The following MYO9B variants were observed in gnomAD, a reference collection of about 807,000 sequenced individuals.
MYO9B encodes myosin IXB.
MYO9B carries 71 observed loss-of-function variants against 229.5 expected under a neutral mutation model. The ratio of observed to expected loss-of-function variants is 0.31; its 90% CI spans 0.26 to 0.38. MYO9B has a LOEUF of 0.38. MYO9B is among the 10% of genes least tolerant of loss of function. The probability of loss-of-function intolerance (pLI) is 1.00; values close to 1 mark genes in which losing one functional copy is unlikely to be tolerated. For missense variants in MYO9B, 2,255 were observed against 2,920.5 expected (o/e 0.77, Z 5.25); for synonymous variants, 1,185 against 1,235.8 (o/e 0.96, Z 0.86).
At chr19:17,096,108 T>C (rs192919195) in intron 1 of MYO9B, among the ~76,000 whole-genome samples, 2 of 152,282 alleles carry the variant, frequency 1.3e-5, no homozygotes, top group Admixed American at 1.3e-4. Flanking sequence ...CAATTCTGAA[T>C]TGGTTTCCTA....
Position 17,145,492 on chromosome 19 carries a change from G to A in MYO9B, c.935+1G>A. The A allele has an allele frequency of 1.2e-6, 2 of 1,613,652 alleles. No homozygotes were observed. Among genetic ancestry groups the A allele is most frequent in the Non-Finnish European group, 1.7e-6 (2 of 1,179,588 alleles). On this transcript the variant is annotated splice_donor_variant, in intron 3 of 39. Coordinates refer to ENST00000682292, the MANE Select transcript of MYO9B (RefSeq NM_004145.4). LOFTEE classifies it high-confidence loss of function. ...ACCTAGAGAGTGGCATCGTGAGAGG[G>A]TGAGGTGTCCCTGGGGTCCCCACTG...
chr19:17,162,564 G>C, intron 9 of MYO9B, 98 bp downstream of exon 9: 1 of 1,052,804 alleles, frequency 9.5e-7, no homozygotes, highest in East Asian at 2.6e-5. Context: ...CGGAGCCGAG[G>C]CATCTGCAAT....
At chr19:17,152,460 G>A (rs2072488877) in intron 3 of MYO9B, 184 bp from the exon 4 acceptor site, 1 of 505,898 alleles carries the variant, frequency 2.0e-6, no homozygotes, top group South Asian at 2.2e-5. Context: ...CCACTGTGGG[G>A]GCCGAGGCAA....
At position 17,101,840 on chromosome 19, in the gene MYO9B, C is replaced by T. The variant is rs765067662; in HGVS notation, c.123C>T (p.Asp41=). ...CGTGCCGCGTGACTGCCACCAAGGA[C>T]AGCACCACCTCGGACGTCATCAAGG... ...QASCRVTATK[D]STTSDVIKDA... Residue 41 remains aspartate, a synonymous_variant, in exon 2 of 40, where the codon GAC becomes GAT. Coordinates refer to ENST00000682292, the MANE Select transcript of MYO9B (RefSeq NM_004145.4). This position sits in a 1 kb window ranked among gnomAD's most constrained non-coding sequence, Gnocchi z 4.7. The T allele has an allele frequency of 1.2e-5, 20 of 1,611,496 alleles. No individual in the cohort carries two copies. Among genetic ancestry groups the T allele is most frequent in the Non-Finnish European group, 1.6e-5 (19 of 1,179,584 alleles).
At chr19:17,211,797 C>T in intron 39 of MYO9B, 23 bp downstream of exon 39, 1 of 1,612,620 alleles carries the variant, frequency 6.2e-7, no homozygotes, top group South Asian at 1.1e-5. Context: ...GTAGCGTCTG[C>T]TTTTCTCCTT....
At chr19:17,086,879 C>CAA (rs11463253) in intron 1 of MYO9B, among the ~76,000 whole-genome samples, 76 of 145,934 alleles carry the variant, frequency 5.2e-4, no homozygotes, top group Middle Eastern at 3.5e-3. Flanking sequence ...GACTTCGTCT[C>CAA]AAAAAAAAAA....
At chr19:17,090,376 C>T (rs1046703638) in intron 1 of MYO9B, among the ~76,000 whole-genome samples, 1 of 152,124 alleles carries the variant, frequency 6.6e-6, no homozygotes, top group Admixed American at 6.6e-5. Flanking sequence ...GTCTTGAACT[C>T]ATGAGCTCAA....
At chr19:17,182,222 G>C (rs1026932144) in intron 15 of MYO9B, among the ~76,000 whole-genome samples, 1 of 152,016 alleles carries the variant, frequency 6.6e-6, no homozygotes, top group African/African-American at 2.4e-5. Context: ...TGGAACTACA[G>C]GTGCGCATTA....
intron 1 of MYO9B, among the ~76,000 whole-genome samples, chr19:17,096,696 GTTGTTGTT>G (rs369001802): frequency 3.7e-5 from 4 of 107,162 alleles, no homozygotes; most frequent in Non-Finnish European, 7.1e-5. Context: ...TGTTGTTGTT[GTTGTTGTT>G]GGTTTTTTTT....
Position 17,192,917 on chromosome 19 carries a change from G to C in MYO9B, c.2983G>C (p.Val995Leu), listed in dbSNP as rs942420437. 1 of 1,549,956 alleles carries C rather than the reference G, an allele frequency of 6.5e-7. No individual in the cohort carries two copies. The highest frequency in any genetic ancestry group is 1.2e-5 in the South Asian group (1 of 84,036). ...CCAGGCCTGCTGGCGGTCCTACCGG[G>C]TCCGGAGGGCGCTGGAGAGGACGCA... Reference protein sequence around the residue: ...TIQACWRSYRVRRALERTQAA... With the variant: ...TIQACWRSYRLRRALERTQAA... Residue 995 changes from valine to leucine, a missense_variant, in exon 21 of 40, where the codon GTC becomes CTC. Transcript: ENST00000682292.
intron 2 of MYO9B, among the ~76,000 whole-genome samples, chr19:17,113,740 G>A (rs2057872114): frequency 6.6e-6 from 1 of 152,140 alleles, no homozygotes; most frequent in South Asian, 2.1e-4. Context: ...AAAGGTAGGG[G>A]GAAGCAGTTT....
intron 2 of MYO9B, among the ~76,000 whole-genome samples, chr19:17,110,065 A>G (rs1471802384): frequency 1.3e-5 from 2 of 152,166 alleles, no homozygotes; most frequent in African/African-American, 4.8e-5. Flanking sequence ...CCCGGGCTGC[A>G]GAAAGCCGGA....
intron 19 of MYO9B, among the ~76,000 whole-genome samples, chr19:17,189,562 G>T (rs752475281): frequency 1.3e-5 from 2 of 151,976 alleles, no homozygotes; most frequent in East Asian, 1.9e-4. Context: ...AGTCTGGGAG[G>T]TTGAAGGTGC....
intron 7 of MYO9B, 80 bp from the exon 8 acceptor site, chr19:17,159,315 G>A (rs538196520): frequency 1.0e-4 from 138 of 1,340,148 alleles, no homozygotes; most frequent in African/African-American, 5.8e-4. Flanking sequence ...GGCTCCGGGC[G>A]TTGCCTCAGT....
intron 5 of MYO9B, 112 bp downstream of exon 5, chr19:17,154,178 C>T (rs1381064324): frequency 7.6e-7 from 1 of 1,322,894 alleles, no homozygotes; most frequent in African/African-American, 1.4e-5. Flanking sequence ...AACCCGCTCC[C>T]AGAAGGCAGC....
chr19:17,152,763 C>T (rs1439416575), intron 4 of MYO9B, 57 bp downstream of exon 4: 11 of 1,449,448 alleles, frequency 7.6e-6, no homozygotes, highest in Non-Finnish European at 1.1e-5. Context: ...ACGTTTCCTC[C>T]TACAGAGGAG....
chr19:17,195,448 A>G lies in MYO9B; in HGVS notation c.4021A>G (p.Thr1341Ala). 8 of 1,602,954 alleles carry G rather than the reference A, an allele frequency of 5.0e-6. No homozygotes were observed. The highest frequency in any genetic ancestry group is 6.8e-6 in the Non-Finnish European group (8 of 1,178,216). Reference protein sequence around the residue: ...SLDLSDRHRATGAALTPTEER... With the variant: ...SLDLSDRHRAAGAALTPTEER... Reference sequence around the variant, plus strand: ...GGACCTCAGCGACAGACACCGGGCCACAGGGGCCGCCCTCACGCCCACAGA... The same window carrying G: ...GGACCTCAGCGACAGACACCGGGCCGCAGGGGCCGCCCTCACGCCCACAGA... The change falls in exon 22 of 40, where the codon ACA becomes GCA. Residue 1341 changes from threonine (T) to alanine (A), a missense_variant. Transcript: ENST00000682292. This position sits in a 1 kb window ranked among gnomAD's most constrained non-coding sequence, Gnocchi z 4.5.
At chr19:17,123,905 A>G (rs2057990158) in intron 2 of MYO9B, among the ~76,000 whole-genome samples, 1 of 151,548 alleles carries the variant, frequency 6.6e-6, no homozygotes, top group Non-Finnish European at 1.5e-5. Context: ...TTCTTTTTTG[A>G]GACAGGGTCT....
intron 1 of MYO9B, among the ~76,000 whole-genome samples, chr19:17,088,033 G>A (rs539229482): frequency 1.6e-4 from 25 of 152,260 alleles, no homozygotes; most frequent in African/African-American, 5.3e-4. Flanking sequence ...CCAGGAGGTG[G>A]AGGTTGCAGT....
Sources: allele counts gnomAD v4.1 joint callset (sites outside exome capture counted in the v4.1 genomes callset), GRCh38; gene constraint gnomAD v4.1.1; non-coding constraint Gnocchi (gnomAD v3.1); transcripts MANE v1.5; gene names NCBI Gene and HGNC (gene_info 2026-07-23, HGNC 2026-07-21).